Variants in TRIM24 observed in about 807,000 individuals in gnomAD.
TRIM24 encodes the protein transcription intermediary factor 1-alpha.
In TRIM24, 29 loss-of-function variants were observed where a neutral mutation model predicts 123.9. That is an observed-to-expected ratio of 0.23 (90% confidence interval 0.17 to 0.32). TRIM24 has a LOEUF of 0.32. TRIM24 is among the 10% of genes least tolerant of loss of function. TRIM24 has a pLI of 1.00. For missense variants in TRIM24, 932 were observed against 1,295.3 expected, an observed-to-expected ratio of 0.72 and a Z score of 4.31; for synonymous variants, 456 against 461.1, an observed-to-expected ratio of 0.99 and a Z score of 0.14.
chr7:138,575,818 C>CTCT (rs1491421391), intron 12 of TRIM24, among the ~76,000 whole-genome samples: 34 of 151,900 alleles, frequency 2.2e-4, no homozygotes, highest in African/African-American at 8.0e-4. Flanking sequence ...TCCAGAATCC[C>CTCT]TCTTTTGTTT....
At chr7:138,467,567 T>A (rs1003069199) in intron 1 of TRIM24, among the ~76,000 whole-genome samples, 1 of 152,166 alleles carries the variant, frequency 6.6e-6, no homozygotes, top group Admixed American at 6.6e-5. Flanking sequence ...GGTCTCGATC[T>A]CTTGACCTGG....
At chr7:138,493,453 C>T (rs1431180411) in intron 1 of TRIM24, among the ~76,000 whole-genome samples, 2 of 152,148 alleles carry the variant, frequency 1.3e-5, no homozygotes, top group East Asian at 1.9e-4. Flanking sequence ...GAAATTTTTG[C>T]GAAGTCTTTG....
Position 138,525,259 on chromosome 7 carries a change from A to T in TRIM24, c.783A>T (p.Glu261Asp). 2.0e-6 allele frequency: 3 copies of T among 1,494,002 alleles called. No individual in the cohort carries two copies. Among genetic ancestry groups the T allele is most frequent in the Non-Finnish European group, 2.7e-6 (3 of 1,126,288 alleles). 92.5% of individuals were successfully genotyped at this position (1,494,002 alleles called of 1,614,324 possible). A position where few individuals can be genotyped will look rare whatever the true frequency, so the allele number is the denominator to read the frequency against. Reference sequence around the variant, plus strand: ...TCTTCAGATACCAATTTATAGAAGAAGCTTTTCAGAATCAGAAAGTGATCA... The same window carrying T: ...TCTTCAGATACCAATTTATAGAAGATGCTTTTCAGAATCAGAAAGTGATCA... The part of the protein sequence containing the change: ...HKEHRYQFIE[E>D]AFQNQKVIID... The change falls in exon 5 of 19, where the codon GAA becomes GAT. Residue 261 changes from glutamate (E) to aspartate (D), a missense_variant. Glu to Asp is a conservative substitution (Grantham distance 45, BLOSUM62 2). Coordinates refer to ENST00000343526, the MANE Select transcript of TRIM24 (RefSeq NM_015905.3).
At chr7:138,569,474 G>T (rs747202658) in intron 10 of TRIM24, among the ~76,000 whole-genome samples, 2 of 152,272 alleles carry the variant, frequency 1.3e-5, no homozygotes, top group African/African-American at 2.4e-5. Context: ...TTCTGAGTAC[G>T]TGAGGAAAAG....
At chr7:138,489,613 G>A (rs12669422) in intron 1 of TRIM24, among the ~76,000 whole-genome samples, 40,801 of 151,924 alleles carry the variant, frequency 0.27, 6,171 homozygotes, top group East Asian at 0.5. Context: ...TATCAAGCTT[G>A]GTTTGACTGG....
intron 2 of TRIM24, among the ~76,000 whole-genome samples, chr7:138,510,896 T>A (rs758663419): frequency 1.3e-5 from 2 of 152,238 alleles, no homozygotes; most frequent in Non-Finnish European, 2.9e-5. Context: ...GAAAATAAAA[T>A]CTATAAACTT....
At chr7:138,504,438 C>A in intron 2 of TRIM24, 30 bp downstream of exon 2, 3 of 942,432 alleles carry the variant, frequency 3.2e-6, no homozygotes, top group East Asian at 3.1e-5. Context: ...AACCTTTTGC[C>A]TGCCAGCTCT....
intron 11 of TRIM24, 74 bp downstream of exon 11, chr7:138,571,077 C>G: frequency 6.8e-7 from 1 of 1,475,390 alleles, no homozygotes; most frequent in Non-Finnish European, 9.4e-7. Flanking sequence ...CTCCTGTAAT[C>G]CCAGCACTTT....
At chr7:138,582,496 CAT>C (rs1797921017) in intron 17 of TRIM24, among the ~76,000 whole-genome samples, 1 of 147,434 alleles carries the variant, frequency 6.8e-6, no homozygotes, top group Non-Finnish European at 1.5e-5. Flanking sequence ...GAGCCGAGAT[CAT>C]GCCACTGCAC....
At chr7:138,467,925 T>TA (rs1795182147) in intron 1 of TRIM24, among the ~76,000 whole-genome samples, 1 of 152,146 alleles carries the variant, frequency 6.6e-6, no homozygotes, top group African/African-American at 2.4e-5. Flanking sequence ...AAGGACTCCT[T>TA]AGGATTTTCT....
At chr7:138,568,482 G>A (rs1380689546) in intron 10 of TRIM24, among the ~76,000 whole-genome samples, 1 of 143,960 alleles carries the variant, frequency 6.9e-6, no homozygotes, top group South Asian at 2.2e-4. Context: ...TGCCTTCCGG[G>A]TTCAAGCAAT....
chr7:138,472,182 GA>G (rs1379655985), intron 1 of TRIM24, among the ~76,000 whole-genome samples: 4 of 150,240 alleles, frequency 2.7e-5, no homozygotes, highest in African/African-American at 4.9e-5. Flanking sequence ...CTTAAGGGGA[GA>G]AAAAAAATAA....
intron 1 of TRIM24, among the ~76,000 whole-genome samples, chr7:138,483,765 A>G (rs1795583885): frequency 6.6e-6 from 1 of 152,172 alleles, no homozygotes; most frequent in African/African-American, 2.4e-5. Flanking sequence ...TAGCCTTTTT[A>G]TGTAGTATCA....
chr7:138,523,967 A>G (rs1370443533), intron 4 of TRIM24, among the ~76,000 whole-genome samples: 2 of 152,150 alleles, frequency 1.3e-5, no homozygotes, highest in East Asian at 3.9e-4. Flanking sequence ...ATGATTTGAG[A>G]GGAGGGGAAA....
At chr7:138,579,826 G>A (rs1438912285) in intron 15 of TRIM24, among the ~76,000 whole-genome samples, 2 of 152,198 alleles carry the variant, frequency 1.3e-5, no homozygotes, top group African/African-American at 4.8e-5. Flanking sequence ...AGGAGGCTGA[G>A]GTGGGAGGAT....
At chr7:138,536,073 A>G (rs1303306547) in intron 6 of TRIM24, among the ~76,000 whole-genome samples, 1 of 152,120 alleles carries the variant, frequency 6.6e-6, no homozygotes, top group African/African-American at 2.4e-5. Context: ...CCATCGGGTC[A>G]TTTTAGGACT....
chr7:138,464,607 G>A (rs77162715), intron 1 of TRIM24, among the ~76,000 whole-genome samples: 2,926 of 151,966 alleles, frequency 0.019, 63 homozygotes, highest in Middle Eastern at 0.054. Context: ...AATTTTTCTA[G>A]TATTAGATAT....
At chr7:138,492,273 CAAAAAAAAAAAA>C (rs34380067) in intron 1 of TRIM24, among the ~76,000 whole-genome samples, 39 of 60,008 alleles carry the variant, frequency 6.5e-4, no homozygotes, top group East Asian at 5.0e-3. Flanking sequence ...ACTCTGTCTC[CAAAAAAAAAAAA>C]AAAAAAAAAA....
At chr7:138,496,922 C>A (rs750208064) in intron 1 of TRIM24, among the ~76,000 whole-genome samples, 1 of 152,228 alleles carries the variant, frequency 6.6e-6, no homozygotes, top group South Asian at 2.1e-4. Flanking sequence ...CAGGAATAAA[C>A]CCTGCTTAAT....
Sources: allele counts gnomAD v4.1 joint callset (sites outside exome capture counted in the v4.1 genomes callset), GRCh38; gene constraint gnomAD v4.1.1; transcripts MANE v1.5; gene names NCBI Gene and HGNC (gene_info 2026-07-23, HGNC 2026-07-21).